Variants in DNAJC1 observed in about 807,000 individuals in gnomAD.
The protein encoded by DNAJC1 is dnaJ homolog subfamily C member 1.
In DNAJC1, 58 loss-of-function variants were observed where a neutral mutation model predicts 76.6. That is an observed-to-expected ratio of 0.76 (90% CI 0.61 to 0.94). The LOEUF is 0.94. Among genes scored for constraint, DNAJC1 ranks in the 40% least tolerant of loss-of-function variants. DNAJC1 has a pLI of 0.00. For missense variants in DNAJC1, 689 were observed against 677.3 expected (o/e 1.02, Z -0.19); for synonymous variants, 258 against 267.9 (o/e 0.96, Z 0.36).
chr10:21,794,357 G>A (rs1834729235), intron 9 of DNAJC1, among the ~76,000 whole-genome samples: 1 of 146,532 alleles, frequency 6.8e-6, no homozygotes, highest in South Asian at 2.2e-4. Flanking sequence ...AATAAAAGAA[G>A]AACCAGATTT....
intron 8 of DNAJC1, chr10:21,865,987 T>C (rs1292130918): frequency 1.3e-5 from 2 of 151,710 alleles, no homozygotes; most frequent in Non-Finnish European, 2.9e-5. Flanking sequence ...ATACAAAAAT[T>C]AGCTGGGTGT....
rs995686673 is a variant in DNAJC1 at position 21,815,555 on chromosome 10, T to C, written c.979-9456A>G. 2.6e-5 allele frequency among the ~76,000 whole-genome samples: 4 copies of C among 152,204 alleles called. No homozygotes were observed. The South Asian group carries it at 8.3e-4, about 31-fold the overall frequency. The stretch of plus-strand genomic sequence containing the variant: ...AACTAGGGAAGGCTTAGTCCATATA[T>C]AGCATGAAACAAACTTCACACTTGT... On this transcript the variant is annotated intron_variant, in intron 8 of 11. Transcript: ENST00000376980.
rs1380318064 is a variant in DNAJC1 at position 21,759,637 on chromosome 10, C to T, written c.1148-19G>A. ...ACCATTCCTAGGAAAGAGGGTGTGCCACACAGAGGTGAAGGGCAAGGTGAA... is the reference window on the plus strand; with the variant it reads ...ACCATTCCTAGGAAAGAGGGTGTGCTACACAGAGGTGAAGGGCAAGGTGAA... On this transcript the variant is annotated intron_variant, in intron 10 of 11. Coordinates refer to ENST00000376980, the MANE Select transcript of DNAJC1 (RefSeq NM_022365.4). 1 of 1,605,786 alleles carries T rather than the reference C, an allele frequency of 6.2e-7. No homozygotes were observed. Among genetic ancestry groups the T allele is most frequent in the Admixed American group, 1.7e-5 (1 of 59,696 alleles).
intron 1 of DNAJC1, among the ~76,000 whole-genome samples, chr10:21,971,052 A>AT (rs559897603): frequency 6.0e-5 from 9 of 150,742 alleles, no homozygotes; most frequent in East Asian, 3.9e-4. Flanking sequence ...ATCTTTTAAC[A>AT]TTTTTTTTTG....
rs1454355141 is a variant in DNAJC1 at position 21,759,613 on chromosome 10, C to A, written c.1153G>T (p.Val385Phe). 6.2e-7 allele frequency: 1 copy of A among 1,612,418 alleles called. No homozygotes were observed. Among genetic ancestry groups the A allele is most frequent in the Non-Finnish European group, 8.5e-7 (1 of 1,179,008 alleles). The change falls in exon 11 of 12, where the codon GTT (valine) becomes TTT (phenylalanine). Residue 385 changes from valine to phenylalanine, a missense_variant. Physicochemically the swap from Val to Phe is conservative, Grantham distance 50. Coordinates refer to ENST00000376980, the MANE Select transcript of DNAJC1 (RefSeq NM_022365.4). ...GTCGATTTGAGTTCGGAGAGTCTAA[C>A]CATTCCTAGGAAAGAGGGTGTGCCA... ...KDSVTCSPGMVRLSELKSTVQ... is the reference protein window; with the variant it reads ...KDSVTCSPGMFRLSELKSTVQ...
chr10:21,933,996 T>A (rs546840251), intron 1 of DNAJC1, among the ~76,000 whole-genome samples: 2 of 152,008 alleles, frequency 1.3e-5, no homozygotes, highest in Non-Finnish European at 1.5e-5. Flanking sequence ...GAGGGAAATT[T>A]AAAAAAAATT....
At chr10:21,797,624 G>A (rs554062957) in intron 9 of DNAJC1, among the ~76,000 whole-genome samples, 3 of 152,334 alleles carry the variant, frequency 2.0e-5, no homozygotes, top group African/African-American at 7.2e-5. Flanking sequence ...ATTAGCTCAG[G>A]AGGCCTCTGT....
chr10:21,959,461 GT>G (rs1424162832), intron 1 of DNAJC1, among the ~76,000 whole-genome samples: 2 of 152,034 alleles, frequency 1.3e-5, no homozygotes, highest in Non-Finnish European at 2.9e-5. Context: ...AGATGTTTTA[GT>G]TTCTCCTGAA....
At chr10:21,776,511 T>A (rs1212611488) in intron 9 of DNAJC1, among the ~76,000 whole-genome samples, 1 of 152,182 alleles carries the variant, frequency 6.6e-6, no homozygotes, top group Non-Finnish European at 1.5e-5. Context: ...TCATTACAAG[T>A]AAGAACTACT....
At chr10:21,962,892 ATTT>A (rs1837823260) in intron 1 of DNAJC1, among the ~76,000 whole-genome samples, 2 of 152,122 alleles carry the variant, frequency 1.3e-5, no homozygotes, top group Middle Eastern at 3.4e-3. Flanking sequence ...TTCTAATGTA[ATTT>A]TCTCTGTAGG....
intron 1 of DNAJC1, among the ~76,000 whole-genome samples, chr10:21,976,781 T>C (rs1007359933): frequency 6.6e-6 from 1 of 152,170 alleles, no homozygotes; most frequent in East Asian, 1.9e-4. Flanking sequence ...GCCTTCCTTA[T>C]GCTACAGAGG....
At chr10:21,808,509 C>T (rs1169902455) in intron 8 of DNAJC1, among the ~76,000 whole-genome samples, 3 of 152,006 alleles carry the variant, frequency 2.0e-5, no homozygotes, top group East Asian at 3.9e-4. Context: ...TAAAGAGGCT[C>T]GATAGTGACT....
At chr10:21,791,898 A>G (rs1834693123) in intron 9 of DNAJC1, among the ~76,000 whole-genome samples, 1 of 152,160 alleles carries the variant, frequency 6.6e-6, no homozygotes, top group South Asian at 2.1e-4. Context: ...ATTGAAACTG[A>G]AAAAACCATA....
At position 21,921,076 on chromosome 10, in the gene DNAJC1, A is replaced by T. The variant is rs183606850; in HGVS notation, c.372-113T>A. ...GAAAACAAATTATCCAAAATAGATAATGTTTATGTACGTTCCCAGCATTAT... is the reference window on the plus strand; with the variant it reads ...GAAAACAAATTATCCAAAATAGATATTGTTTATGTACGTTCCCAGCATTAT... On this transcript the variant is annotated intron_variant, in intron 3 of 11. Coordinates refer to ENST00000376980, the MANE Select transcript of DNAJC1 (RefSeq NM_022365.4). 166 of 913,876 alleles carry T rather than the reference A, an allele frequency of 1.8e-4. No individual in the cohort carries two copies. The African/African-American group carries it at 2.6e-3, about 14-fold the overall frequency. 56.6% of individuals were successfully genotyped at this position (913,876 alleles called of 1,614,324 possible). A position where few individuals can be genotyped will look rare whatever the true frequency, so the allele number is the denominator to read the frequency against.
intron 7 of DNAJC1, among the ~76,000 whole-genome samples, chr10:21,883,291 CACA>C: frequency 6.7e-6 from 1 of 149,048 alleles, no homozygotes; most frequent in African/African-American, 2.5e-5. Context: ...CACACACACA[CACA>C]CCATTTTAAC....
At chr10:21,830,141 C>G (rs531125203) in intron 8 of DNAJC1, among the ~76,000 whole-genome samples, 3 of 152,232 alleles carry the variant, frequency 2.0e-5, no homozygotes, top group African/African-American at 7.2e-5. Context: ...TATTACAATA[C>G]TTGCTTTTAC....
intron 9 of DNAJC1, among the ~76,000 whole-genome samples, chr10:21,766,862 C>T (rs994976657): frequency 1.3e-5 from 2 of 150,950 alleles, no homozygotes; most frequent in East Asian, 2.0e-4. Flanking sequence ...CCCAGCTACT[C>T]GGGAGGCTGA....
intron 8 of DNAJC1, among the ~76,000 whole-genome samples, chr10:21,811,404 G>A (rs1834963586): frequency 6.6e-6 from 1 of 152,126 alleles, no homozygotes; most frequent in African/African-American, 2.4e-5. Context: ...CCCCTTTTAA[G>A]CAAAGGTTCT....
At chr10:21,952,901 T>A (rs1023115747) in intron 1 of DNAJC1, among the ~76,000 whole-genome samples, 2 of 152,214 alleles carry the variant, frequency 1.3e-5, no homozygotes, top group African/African-American at 4.8e-5. Context: ...TTTCTTTTTT[T>A]AAATTCACCA....
Sources: allele counts gnomAD v4.1 joint callset (sites outside exome capture counted in the v4.1 genomes callset), GRCh38; gene constraint gnomAD v4.1.1; transcripts MANE v1.5; gene names NCBI Gene and HGNC (gene_info 2026-07-23, HGNC 2026-07-21).